CSMD1: variants seen among roughly 807,000 people sequenced by gnomAD.
CSMD1 encodes the protein CUB and Sushi multiple domains 1.
A neutral mutation model predicts 417.5 loss-of-function variants in CSMD1; 213 were observed. The observed-to-expected ratio is 0.51, with a 90% CI of 0.46 to 0.57. CSMD1 has a LOEUF of 0.57. CSMD1 is among the 20% of genes least tolerant of loss of function. The pLI, the probability that CSMD1 is intolerant of heterozygous loss-of-function variation, is 0.00. For missense variants in CSMD1, 6,923 were observed against 4,529.7 expected (o/e 1.53, Z -15.17); for synonymous variants, 2,862 against 1,736.8 (o/e 1.65, Z -16.11).
intron 2 of CSMD1, among the ~76,000 whole-genome samples, chr8:4,471,383 T>A (rs1800522193): frequency 6.6e-6 from 1 of 152,178 alleles, no homozygotes; most frequent in Non-Finnish European, 1.5e-5. Flanking sequence ...ATTTCTAATT[T>A]ACTATTTTGA....
chr8:3,730,944 T>A (rs1796215774), intron 6 of CSMD1, among the ~76,000 whole-genome samples: 1 of 152,178 alleles, frequency 6.6e-6, no homozygotes, highest in Non-Finnish European at 1.5e-5. Flanking sequence ...AGGTTGCTTT[T>A]GTAAAAATTA....
chr8:4,701,197 T>C (rs1807515970), intron 1 of CSMD1, among the ~76,000 whole-genome samples: 2 of 152,104 alleles, frequency 1.3e-5, no homozygotes, highest in African/African-American at 4.8e-5. Flanking sequence ...TGTGTGCCCC[T>C]AGTTCCCGAC....
intron 3 of CSMD1, among the ~76,000 whole-genome samples, chr8:4,199,640 C>T (rs999137677): frequency 6.6e-6 from 1 of 152,112 alleles, no homozygotes; most frequent in South Asian, 2.1e-4. Context: ...TAAATAAAGA[C>T]TTCAACCCAA....
intron 7 of CSMD1, among the ~76,000 whole-genome samples, chr8:3,647,493 CAG>C (rs1797635951): frequency 2.0e-5 from 3 of 151,798 alleles, no homozygotes; most frequent in Admixed American, 2.0e-4. Flanking sequence ...AAATATAGCA[CAG>C]AGAGAAGTAT....
intron 2 of CSMD1, among the ~76,000 whole-genome samples, chr8:4,485,073 C>A (rs1801306176): frequency 6.7e-6 from 1 of 148,812 alleles, no homozygotes; most frequent in Non-Finnish European, 1.5e-5. Context: ...TCATTTCTAC[C>A]CACACAGAAA....
intron 2 of CSMD1, among the ~76,000 whole-genome samples, chr8:4,446,141 A>G (rs1359948813): frequency 6.6e-6 from 1 of 152,182 alleles, no homozygotes; most frequent in East Asian, 1.9e-4. Flanking sequence ...TACATACGTG[A>G]GTTTTGAACT....
chr8:4,845,624 G>A (rs922558743), intron 1 of CSMD1, among the ~76,000 whole-genome samples: 1 of 152,154 alleles, frequency 6.6e-6, no homozygotes, highest in Non-Finnish European at 1.5e-5. Context: ...TCTCTTTTAG[G>A]AGCTTTGCAT....
intron 3 of CSMD1, among the ~76,000 whole-genome samples, chr8:4,159,953 G>A (rs773400207): frequency 5.3e-5 from 8 of 152,006 alleles, no homozygotes; most frequent in Non-Finnish European, 1.2e-4. Flanking sequence ...AGGGTGGGAG[G>A]GGGTGAGGGA....
rs141157625 is a variant in CSMD1, at chr8:3,656,079, C to A, written c.1010-39282G>T. Among the ~76,000 whole-genome samples, 11 of 152,282 alleles carry A rather than the reference C, an allele frequency of 7.2e-5. No homozygotes were observed. In the East Asian group the frequency reaches 2.1e-3, roughly 30 times the overall value. On this transcript the variant is annotated intron_variant, in intron 7 of 69. Coordinates refer to ENST00000635120, the MANE Select transcript of CSMD1 (RefSeq NM_033225.6). Reference sequence around the variant, plus strand: ...TATATTTCAAATAATGCCCAGCACCCCTGCTACACACAGATGCTACCAGAA... The same window carrying A: ...TATATTTCAAATAATGCCCAGCACCACTGCTACACACAGATGCTACCAGAA...
chr8:4,024,319 T>C (rs1169906834), intron 4 of CSMD1, among the ~76,000 whole-genome samples: 2 of 152,028 alleles, frequency 1.3e-5, no homozygotes, highest in African/African-American at 2.4e-5. Context: ...TAAAAGACAA[T>C]AATGACAGAA....
intron 10 of CSMD1, among the ~76,000 whole-genome samples, chr8:3,543,367 G>C (rs552159430): frequency 6.6e-6 from 1 of 152,186 alleles, no homozygotes; most frequent in African/African-American, 2.4e-5. Context: ...GATATAAACT[G>C]ACTTTTGAAA....
intron 3 of CSMD1, among the ~76,000 whole-genome samples, chr8:4,193,313 G>C (rs988236062): frequency 6.6e-6 from 1 of 152,024 alleles, no homozygotes; most frequent in African/African-American, 2.4e-5. Context: ...TGAAAACCTT[G>C]CTTTCAAAGA....
At chr8:4,803,930 T>C (rs1269273409) in intron 1 of CSMD1, among the ~76,000 whole-genome samples, 1 of 152,166 alleles carries the variant, frequency 6.6e-6, no homozygotes, top group Non-Finnish European at 1.5e-5. Context: ...CCTCCATAAA[T>C]ACGATGGGCA....
chr8:3,560,273 G>C (rs138207423), intron 10 of CSMD1, among the ~76,000 whole-genome samples: 132 of 152,216 alleles, frequency 8.7e-4, no homozygotes, highest in African/African-American at 2.5e-3. Context: ...TAATTACTTA[G>C]AAGCATTTCC....
chr8:3,852,434 A>G (rs1171879081), intron 5 of CSMD1, among the ~76,000 whole-genome samples: 2 of 152,160 alleles, frequency 1.3e-5, no homozygotes, highest in East Asian at 1.9e-4. Flanking sequence ...GCTGGTCAAG[A>G]CGTCGGGAAG....
intron 3 of CSMD1, among the ~76,000 whole-genome samples, chr8:4,326,258 G>A (rs902019177): frequency 1.1e-4 from 16 of 152,156 alleles, no homozygotes; most frequent in African/African-American, 3.9e-4. Context: ...AAAGACTGCA[G>A]ATCATCTTCA....
chr8:3,355,497 A>G (rs1465788445), intron 21 of CSMD1, among the ~76,000 whole-genome samples: 1 of 152,196 alleles, frequency 6.6e-6, no homozygotes, highest in Non-Finnish European at 1.5e-5. Context: ...CCCTGGCCAC[A>G]ATGACTGCTC....
chr8:3,807,949 C>T (rs1377136084), intron 5 of CSMD1, among the ~76,000 whole-genome samples: 2 of 152,162 alleles, frequency 1.3e-5, no homozygotes, highest in East Asian at 1.9e-4. Context: ...AGGTGGCTTG[C>T]ATAACTTGTC....
chr8:3,310,625 T>C (rs1413278975), intron 23 of CSMD1, among the ~76,000 whole-genome samples: 1 of 152,236 alleles, frequency 6.6e-6, no homozygotes, highest in Non-Finnish European at 1.5e-5. Context: ...TAAAAAACTT[T>C]TGAGTTCAGC....
Sources: allele counts gnomAD v4.1 joint callset (sites outside exome capture counted in the v4.1 genomes callset), GRCh38; gene constraint gnomAD v4.1.1; transcripts MANE v1.5; gene names NCBI Gene and HGNC (gene_info 2026-07-23, HGNC 2026-07-21).